The following UPF2 variants were observed in gnomAD, a reference collection of about 807,000 sequenced individuals.
UPF2 encodes UPF2 regulator of nonsense mediated mRNA decay, also known as regulator of nonsense transcripts 2.
Under a neutral mutation model 141.4 loss-of-function variants are expected in UPF2, and 17 were observed. The observed-to-expected ratio is 0.12, with a 90% confidence interval of 0.08 to 0.18. The LOEUF (loss-of-function observed/expected upper bound fraction) is 0.18, where lower values mean the gene tolerates loss of function less well. Ranked by LOEUF, UPF2 falls within the 10% of genes least tolerant of loss-of-function variation. The probability of loss-of-function intolerance (pLI) is 1.00; values close to 1 mark genes in which losing one functional copy is unlikely to be tolerated. For synonymous variants in UPF2, 540 were observed against 498.0 expected (o/e 1.08, Z -1.12); for missense variants, 1,152 against 1,515.9 (o/e 0.76, Z 3.99).
At chr10:12,028,619 A>C (rs771720337) in intron 3 of UPF2, 126 bp downstream of exon 3, 2 of 922,670 alleles carry the variant, frequency 2.2e-6, no homozygotes, top group Non-Finnish European at 3.1e-6. Flanking sequence ...ATTTTCCTGG[A>C]ATGTTAAGAA....
At chr10:12,034,968 C>T (rs1834595444) in intron 2 of UPF2, 91 bp downstream of exon 2, 2 of 1,491,880 alleles carry the variant, frequency 1.3e-6, no homozygotes, top group Non-Finnish European at 1.8e-6. Flanking sequence ...AGAGCTGCAC[C>T]CAGGACGCTA....
chr10:11,997,074 G>C (rs1833875048), intron 8 of UPF2, among the ~76,000 whole-genome samples: 1 of 152,200 alleles, frequency 6.6e-6, no homozygotes, highest in Non-Finnish European at 1.5e-5. Context: ...GAGTGGTCCT[G>C]AAATGTTCAG....
intron 3 of UPF2, among the ~76,000 whole-genome samples, chr10:12,026,884 C>A (rs1382658558): frequency 6.6e-6 from 1 of 152,054 alleles, no homozygotes; most frequent in Non-Finnish European, 1.5e-5. Flanking sequence ...AACTCCTGAC[C>A]TCAGATGATC....
chr10:11,933,043 A>T (rs1240598151), intron 19 of UPF2, among the ~76,000 whole-genome samples: 2 of 152,182 alleles, frequency 1.3e-5, no homozygotes, highest in Non-Finnish European at 2.9e-5. Flanking sequence ...AAATATTTAA[A>T]TCTAGAAAAA....
chr10:11,920,400 A>T lies in UPF2; in HGVS notation c.*898T>A, dbSNP rs896514916. 1.3e-5 allele frequency: 2 copies of T among 152,152 alleles called. No homozygotes were observed. The highest frequency in any genetic ancestry group is 4.8e-5 in the African/African-American group (2 of 41,438). The allele number at this position is 152,152 out of a possible 1,614,324, so 9.4% of individuals were successfully genotyped here. A position where few individuals can be genotyped will look rare whatever the true frequency, so the allele number is the denominator to read the frequency against. ...AAATAAAAGCTCTACTTGTTTCCAT[A>T]CTTTGTTTAGAGACAGAGGCTGTAA... On this transcript the variant is annotated 3_prime_UTR_variant, in exon 22 of 22. Transcript: ENST00000357604.
intron 8 of UPF2, among the ~76,000 whole-genome samples, chr10:11,993,700 C>T (rs1397772092): frequency 6.6e-6 from 1 of 152,064 alleles, no homozygotes; most frequent in Non-Finnish European, 1.5e-5. Flanking sequence ...TGGCTGGGCA[C>T]AGCGGCTCAT....
At position 12,004,536 on chromosome 10, in the gene UPF2, TATC is replaced by T; in HGVS notation, c.1495_1497del (p.Asp499del). 1 of 1,609,852 alleles carries T rather than the reference TATC, an allele frequency of 6.2e-7. No individual in the cohort carries two copies. Among genetic ancestry groups the T allele is most frequent in the Non-Finnish European group, 8.5e-7 (1 of 1,178,462 alleles). Reference sequence around the variant, plus strand: ...TTTTTTCTCTAGAATTTACCTTTGGTATCATCTTTGTTGGACTCTTTATTCTGA... The same window carrying T: ...TTTTTTCTCTAGAATTTACCTTTGGTATCTTTGTTGGACTCTTTATTCTGA... On this transcript the variant is annotated inframe_deletion, in exon 5 of 22. Coordinates refer to ENST00000357604, the MANE Select transcript of UPF2 (RefSeq NM_015542.4).
intron 13 of UPF2, among the ~76,000 whole-genome samples, chr10:11,955,951 G>T (rs988838807): frequency 1.3e-5 from 2 of 152,066 alleles, no homozygotes; most frequent in African/African-American, 4.8e-5. Context: ...AGACCAGCCT[G>T]GCCGACATGG....
chr10:11,993,023 G>A (rs1019593081), intron 8 of UPF2, among the ~76,000 whole-genome samples: 15 of 151,844 alleles, frequency 9.9e-5, no homozygotes, highest in African/African-American at 3.6e-4. Flanking sequence ...GGTGGTACAC[G>A]CGTGAAATCC....
At chr10:11,937,286 T>C (rs1832864916) in intron 18 of UPF2, among the ~76,000 whole-genome samples, 1 of 152,246 alleles carries the variant, frequency 6.6e-6, no homozygotes, top group Non-Finnish European at 1.5e-5. Flanking sequence ...ACTTGCCATG[T>C]GTTACAGGCT....
intron 8 of UPF2, among the ~76,000 whole-genome samples, chr10:11,986,175 C>T (rs2060294217): frequency 6.6e-6 from 1 of 151,980 alleles, no homozygotes; most frequent in Admixed American, 6.6e-5. Context: ...TGAACCACCG[C>T]GCCCGGCCTA....
chr10:11,980,704 G>A lies in UPF2; in HGVS notation c.1845-1539C>T, dbSNP rs1833577641. Among the ~76,000 whole-genome samples, 1 of 152,106 alleles carries A rather than the reference G, an allele frequency of 6.6e-6. No homozygotes were observed. Among genetic ancestry groups the A allele is most frequent in the African/African-American group, 2.4e-5 (1 of 41,426 alleles). ...GCTGAGATCACACCATTGCAATCCA[G>A]CCTGGGCAACAAGAGCGAAACTCCA... On this transcript the variant is annotated intron_variant, in intron 8 of 21. Coordinates refer to ENST00000357604, the MANE Select transcript of UPF2 (RefSeq NM_015542.4). This position sits in a 1 kb window ranked among gnomAD's most constrained non-coding sequence, Gnocchi z 4.2.
chr10:11,974,303 T>C (rs1394427142), intron 9 of UPF2, among the ~76,000 whole-genome samples: 2 of 152,202 alleles, frequency 1.3e-5, no homozygotes, highest in Non-Finnish European at 2.9e-5. Flanking sequence ...TTTCTAAATA[T>C]ACGATCATGT....
rs537558799 is a variant in UPF2, at chr10:11,921,696, C to T, written c.3810-389G>A. On this transcript the variant is annotated intron_variant, in intron 21 of 21. Transcript: ENST00000357604. This position sits in a 1 kb window ranked among gnomAD's most constrained non-coding sequence, Gnocchi z 5.9. Reference sequence around the variant, plus strand: ...CTGAGGGGATCCAGGAAGCAACCCCCTGTGGATACCGAGGACAACTGTAGT... The same window carrying T: ...CTGAGGGGATCCAGGAAGCAACCCCTTGTGGATACCGAGGACAACTGTAGT... 1.3e-5 allele frequency among the ~76,000 whole-genome samples: 2 copies of T among 152,262 alleles called. No homozygotes were observed. Among genetic ancestry groups the T allele is most frequent in the African/African-American group, 4.8e-5 (2 of 41,548 alleles).
At chr10:12,017,890 CT>C (rs1276502077) in intron 3 of UPF2, among the ~76,000 whole-genome samples, 10 of 152,184 alleles carry the variant, frequency 6.6e-5, no homozygotes, top group Non-Finnish European at 1.5e-4. Context: ...TATCCCTCCC[CT>C]GGCCCTCCAA....
At chr10:11,955,124 A>T in intron 14 of UPF2, 108 bp downstream of exon 14, 1 of 1,017,702 alleles carries the variant, frequency 9.8e-7, no homozygotes. Context: ...CTAATTATGA[A>T]CATATATATA....
Position 11,936,820 on chromosome 10 carries a change from C to A in UPF2, c.3379-108G>T. On this transcript the variant is annotated intron_variant, in intron 18 of 21. Transcript: ENST00000357604. The surrounding 1 kb of genome is among the most constrained non-coding windows in gnomAD (Gnocchi z 6.6). ...GCTGTATTTCTTAAAACACAACAATCATAAGAGCCATAACAGTCAACAATT... is the reference window on the plus strand; with the variant it reads ...GCTGTATTTCTTAAAACACAACAATAATAAGAGCCATAACAGTCAACAATT... 9.5e-7 allele frequency: 1 copy of A among 1,051,552 alleles called. No individual in the cohort carries two copies. The highest frequency in any genetic ancestry group is 1.3e-6 in the Non-Finnish European group (1 of 762,440). 65.1% of individuals were successfully genotyped at this position (1,051,552 alleles called of 1,614,324 possible).
At chr10:12,003,801 T>G (rs1169333978) in intron 5 of UPF2, among the ~76,000 whole-genome samples, 2 of 149,392 alleles carry the variant, frequency 1.3e-5, no homozygotes, top group Non-Finnish European at 3.0e-5. Context: ...AGCACACTTC[T>G]GTAATCCCAG....
At chr10:11,970,398 C>G (rs1180131775) in intron 9 of UPF2, among the ~76,000 whole-genome samples, 3 of 151,618 alleles carry the variant, frequency 2.0e-5, no homozygotes, top group Non-Finnish European at 4.4e-5. Context: ...TAAGAGTCTG[C>G]TATTAAGTAA....
Sources: allele counts gnomAD v4.1 joint callset (sites outside exome capture counted in the v4.1 genomes callset), GRCh38; gene constraint gnomAD v4.1.1; non-coding constraint Gnocchi (gnomAD v3.1); transcripts MANE v1.5; gene names NCBI Gene and HGNC (gene_info 2026-07-23, HGNC 2026-07-21).